Variants in KIF11 observed in about 807,000 individuals in gnomAD.
The protein encoded by KIF11 is kinesin family member 11.
Under a neutral mutation model 121.0 loss-of-function variants are expected in KIF11, and 9 were observed. The ratio of observed to expected loss-of-function variants is 0.07; its 90% CI spans 0.04 to 0.13. The LOEUF (loss-of-function observed/expected upper bound fraction) is 0.13. Ranked by LOEUF, KIF11 falls within the 10% of genes least tolerant of loss-of-function variation. KIF11 has a pLI of 1.00. For synonymous variants in KIF11, 408 were observed against 421.0 expected (o/e 0.97, Z 0.38); for missense variants, 846 against 1,217.5 (o/e 0.69, Z 4.54).
intron 6 of KIF11, 111 bp from the exon 7 acceptor site, chr10:92,612,929 A>G (rs1471832279): frequency 4.8e-6 from 3 of 619,258 alleles, no homozygotes; most frequent in Non-Finnish European, 2.9e-6. Context: ...GTCTGATGTT[A>G]TCTTTCTCTA....
At chr10:92,593,528 G>A (rs577159379) in intron 1 of KIF11, 76 bp downstream of exon 1, 2 of 1,283,234 alleles carry the variant, frequency 1.6e-6, no homozygotes, top group Admixed American at 5.1e-5. Flanking sequence ...CCAGGGAGAG[G>A]GATTTTATTT....
At position 92,605,936 on chromosome 10, in the gene KIF11, G is replaced by A. The variant is rs12242681; in HGVS notation, c.78-329G>A. 0.15 allele frequency among the ~76,000 whole-genome samples: 22,744 copies of A among 152,142 alleles called. 3,617 individuals are homozygous for A. Among genetic ancestry groups the A allele is most frequent in the African/African-American group, 0.4 (16,532 of 41,470 alleles). On this transcript the variant is annotated intron_variant, in intron 1 of 21. Transcript: ENST00000260731. Reference sequence around the variant, plus strand: ...TGAGGTGGGATAATCACTTGAGCCCGGAAGTTTGAGACCAGCCTGTGCAAC... The same window carrying A: ...TGAGGTGGGATAATCACTTGAGCCCAGAAGTTTGAGACCAGCCTGTGCAAC...
At chr10:92,615,363 G>A (rs1311037073) in intron 8 of KIF11, among the ~76,000 whole-genome samples, 3 of 151,854 alleles carry the variant, frequency 2.0e-5, no homozygotes, top group African/African-American at 2.4e-5. Context: ...CCGAGATTGC[G>A]CCATTGCACT....
intron 1 of KIF11, among the ~76,000 whole-genome samples, chr10:92,595,129 A>G (rs1037971878): frequency 7.9e-5 from 12 of 152,302 alleles, no homozygotes; most frequent in African/African-American, 2.4e-4. Flanking sequence ...GTGCAATCTC[A>G]GCTCACTGCA....
chr10:92,648,352 A>G lies in KIF11; in HGVS notation c.2688A>G (p.Leu896=). ...IDEDKLIAQN[L]ELNETIKIGL... is the part of the protein sequence containing the mutation. ...AAGATAAATTGATAGCACAAAATCT[A>G]GAACTTAATGAAACCATAAAAATTG... The change falls in exon 19 of 22, where the codon CTA becomes CTG. Residue 896 remains leucine, a synonymous_variant. Transcript: ENST00000260731. The G allele has an allele frequency of 1.2e-6, 2 of 1,613,198 alleles. No homozygotes were observed. Among genetic ancestry groups the G allele is most frequent in the Non-Finnish European group, 1.7e-6 (2 of 1,179,366 alleles).
rs901663630 is a variant in KIF11 at position 92,613,084 on chromosome 10, C to G, written c.743C>G (p.Thr248Ser). The change falls in exon 7 of 22, where the codon ACT (threonine) becomes AGT (serine). Residue 248 changes from threonine to serine, a missense_variant. Physicochemically the swap from Thr to Ser is moderately conservative, Grantham distance 58. Coordinates refer to ENST00000260731, the MANE Select transcript of KIF11 (RefSeq NM_004523.4). This position sits in a 1 kb window ranked among gnomAD's most constrained non-coding sequence, Gnocchi z 4.2. ...TCTGTTACAATACATATGAAAGAAA[C>G]TACGATTGATGGAGAAGAGCTTGTT... is the stretch of plus-strand genomic sequence containing the variant. The part of the protein sequence containing the change: ...VFSVTIHMKE[T>S]TIDGEELVKI... 1.2e-6 allele frequency: 2 copies of G among 1,612,492 alleles called. No individual in the cohort carries two copies. Among genetic ancestry groups the G allele is most frequent in the Non-Finnish European group, 1.7e-6 (2 of 1,178,916 alleles).
chr10:92,628,920 T>G, intron 11 of KIF11, 25 bp downstream of exon 11: 1 of 1,214,006 alleles, frequency 8.2e-7, no homozygotes, highest in East Asian at 2.4e-5. Flanking sequence ...TGATATTTAC[T>G]GTTATGTGAA....
intron 1 of KIF11, among the ~76,000 whole-genome samples, chr10:92,598,007 G>A (rs1844320326): frequency 6.6e-6 from 1 of 151,792 alleles, no homozygotes; most frequent in Admixed American, 6.6e-5. Flanking sequence ...GACTTGTTGT[G>A]AACTCCTGGA....
At chr10:92,634,071 C>A (rs1844768080) in intron 14 of KIF11, among the ~76,000 whole-genome samples, 2 of 152,104 alleles carry the variant, frequency 1.3e-5, no homozygotes, top group Non-Finnish European at 1.5e-5. Flanking sequence ...GCAAGCTCTA[C>A]CTCCCGGGTT....
rs555711202 is a variant in KIF11, at chr10:92,618,768, T to C, written c.1128+1936T>C. ...ATCCACTAATCTTTCCCAATTTTCCTTACATGTGTATGTGTATTTAATTCT... is the reference window on the plus strand; with the variant it reads ...ATCCACTAATCTTTCCCAATTTTCCCTACATGTGTATGTGTATTTAATTCT... On this transcript the variant is annotated intron_variant, in intron 9 of 21. Coordinates refer to ENST00000260731, the MANE Select transcript of KIF11 (RefSeq NM_004523.4). 3.9e-5 allele frequency among the ~76,000 whole-genome samples: 6 copies of C among 152,318 alleles called. No individual in the cohort carries two copies. The South Asian group carries it at 6.2e-4, about 16-fold the overall frequency.
intron 1 of KIF11, among the ~76,000 whole-genome samples, chr10:92,599,536 A>G (rs1426506799): frequency 2.0e-5 from 3 of 151,230 alleles, no homozygotes; most frequent in African/African-American, 7.3e-5. Flanking sequence ...AAAAAAAAAA[A>G]AAAGAAAAAA....
At position 92,650,448 on chromosome 10, in the gene KIF11, T is replaced by A; in HGVS notation, c.2970T>A (p.Pro990=). Residue 990 remains proline, a synonymous_variant, in exon 21 of 22, where the codon CCT becomes CCA. Coordinates refer to ENST00000260731, the MANE Select transcript of KIF11 (RefSeq NM_004523.4). ...TTCTGGGGCAGTATACTGAAGAACCTCTAAGTCAAGAGCCATCTGTAGATG... is the reference window on the plus strand; with the variant it reads ...TTCTGGGGCAGTATACTGAAGAACCACTAAGTCAAGAGCCATCTGTAGATG... The part of the protein sequence containing the change: ...EAVLGQYTEE[P]LSQEPSVDAG... 1 of 1,613,790 alleles carries A rather than the reference T, an allele frequency of 6.2e-7. No individual in the cohort carries two copies. The highest frequency in any genetic ancestry group is 2.2e-5 in the East Asian group (1 of 44,862).
intron 13 of KIF11, among the ~76,000 whole-genome samples, chr10:92,633,230 T>TA (rs1472619556): frequency 6.6e-6 from 1 of 152,238 alleles, no homozygotes; most frequent in South Asian, 2.1e-4. Flanking sequence ...TATAAAAATT[T>TA]AAAAAATCAT....
In KIF11 at chr10:92,630,318, C is replaced by T; in HGVS notation, c.1448C>T (p.Ser483Leu). ...CTTGTTAAAGAAGAATATATCACAT[C>T]AGCTTTGGAAAGTACTGAGGAGAAA... ...LQLVKEEYITSALESTEEKLH... is the reference protein window; with the variant it reads ...LQLVKEEYITLALESTEEKLH... Residue 483 changes from serine to leucine, a missense_variant, in exon 12 of 22, where the codon TCA becomes TTA. Ser to Leu is a moderately radical substitution (Grantham distance 145, BLOSUM62 -2). This residue lies in a region of KIF11 where 95 missense variants were observed against 109.3 expected (regional missense o/e 0.87). Coordinates refer to ENST00000260731, the MANE Select transcript of KIF11 (RefSeq NM_004523.4). The T allele has an allele frequency of 6.2e-7, 1 of 1,605,128 alleles. No homozygotes were observed. The highest frequency in any genetic ancestry group is 8.5e-7 in the Non-Finnish European group (1 of 1,177,080).
intron 4 of KIF11, 36 bp from the exon 5 acceptor site, chr10:92,608,984 A>G (rs774791816): frequency 1.6e-6 from 2 of 1,221,196 alleles, no homozygotes; most frequent in East Asian, 2.4e-5. Flanking sequence ...AGTAAATGGC[A>G]TTCTTCCTTT....
rs1050186410 is a variant in KIF11, at chr10:92,643,651, G to C, written c.2268-1712G>C. Among the ~76,000 whole-genome samples, 10 of 149,188 alleles carry C rather than the reference G, an allele frequency of 6.7e-5. No homozygotes were observed. The East Asian group carries it at 1.8e-3, about 26-fold the overall frequency. On this transcript the variant is annotated intron_variant, in intron 17 of 21. Transcript: ENST00000260731. ...GGCTCACTGCAACCTCTGCCTCCCA[G>C]GTTCAAGCAATTCTCCTGCCTCAGC...
At chr10:92,641,865 T>C (rs528954043) in intron 17 of KIF11, among the ~76,000 whole-genome samples, 1 of 152,324 alleles carries the variant, frequency 6.6e-6, no homozygotes, top group East Asian at 1.9e-4. Flanking sequence ...GTTGTTCACA[T>C]TGGGGAAATT....
intron 16 of KIF11, among the ~76,000 whole-genome samples, 164 bp downstream of exon 16, chr10:92,637,709 G>A (rs1044883378): frequency 5.9e-5 from 9 of 152,192 alleles, no homozygotes; most frequent in African/African-American, 1.9e-4. Flanking sequence ...TAGAACAATT[G>A]AGAATACTTC....
intron 12 of KIF11, among the ~76,000 whole-genome samples, chr10:92,630,791 C>T (rs957138598): frequency 4.3e-5 from 6 of 138,016 alleles, no homozygotes; most frequent in East Asian, 4.5e-4. Context: ...CACTTGAACC[C>T]GGGAGGCAGA....
Sources: allele counts gnomAD v4.1 joint callset (sites outside exome capture counted in the v4.1 genomes callset), GRCh38; gene constraint gnomAD v4.1.1; regional missense constraint gnomAD v4.1.1; non-coding constraint Gnocchi (gnomAD v3.1); transcripts MANE v1.5; gene names NCBI Gene and HGNC (gene_info 2026-07-23, HGNC 2026-07-21).